The following FGF18 variants were observed in gnomAD, a reference collection of about 807,000 sequenced individuals.
The protein encoded by FGF18 is fibroblast growth factor 18.
In FGF18, 5 loss-of-function variants were observed where a neutral mutation model predicts 23.0. That is an observed-to-expected ratio of 0.22 (90% CI 0.11 to 0.46). The LOEUF (loss-of-function observed/expected upper bound fraction) is 0.46, where lower values mean the gene tolerates loss of function less well. Among genes scored for constraint, FGF18 ranks in the 20% least tolerant of loss-of-function variants. The pLI, the probability that FGF18 is intolerant of heterozygous loss-of-function variation, is 0.99. For synonymous variants in FGF18, 117 were observed against 118.9 expected, an observed-to-expected ratio of 0.98 and a Z score of 0.10; for missense variants, 180 against 291.6, an observed-to-expected ratio of 0.62 and a Z score of 2.79.
chr5:171,454,245 G>A (rs906295694), intron 4 of FGF18, among the ~76,000 whole-genome samples: 1 of 152,172 alleles, frequency 6.6e-6, no homozygotes, highest in South Asian at 2.1e-4. Flanking sequence ...AGCCTGGAGG[G>A]ATGAAAGCCA....
intron 4 of FGF18, among the ~76,000 whole-genome samples, chr5:171,454,960 G>A (rs1167704525): frequency 6.6e-6 from 1 of 152,242 alleles, no homozygotes; most frequent in Non-Finnish European, 1.5e-5. Flanking sequence ...AGGCACGCCA[G>A]CCCTGTCGGG....
At position 171,445,878 on chromosome 5, in the gene FGF18, AGCCC is replaced by A. The variant is rs556006630; in HGVS notation, c.251-3267_251-3264del. ...GGCCCCACAAATGGAGCTGTGCCTG[AGCCC>A]GGATGAGGTTTCCAGCTCTTGAGAG... On this transcript the variant is annotated intron_variant, in intron 3 of 4. Transcript: ENST00000274625. 2.6e-5 allele frequency among the ~76,000 whole-genome samples: 4 copies of A among 152,164 alleles called. No individual in the cohort carries two copies. In the South Asian group the frequency reaches 8.3e-4, roughly 32 times the overall value.
chr5:171,430,732 G>A (rs1772168489), intron 2 of FGF18, among the ~76,000 whole-genome samples: 1 of 138,944 alleles, frequency 7.2e-6, no homozygotes, highest in Non-Finnish European at 1.5e-5. Context: ...AGCTTGCAGT[G>A]AGCCGAGATT....
At position 171,451,285 on chromosome 5, in the gene FGF18, C is replaced by A. The variant is rs1772504036; in HGVS notation, c.357+2032C>A. Among the ~76,000 whole-genome samples, 1 of 152,162 alleles carries A rather than the reference C, an allele frequency of 6.6e-6. No individual in the cohort carries two copies. The highest frequency in any genetic ancestry group is 1.5e-5 in the Non-Finnish European group (1 of 68,012). ...CACGCCCGACCCCAACCCTTGCCAG[C>A]CTCCTGTCTTCTGGGCCCACCCGGG... On this transcript the variant is annotated intron_variant, in intron 4 of 4. Coordinates refer to ENST00000274625, the MANE Select transcript of FGF18 (RefSeq NM_003862.3). The surrounding 1 kb of genome is among the most constrained non-coding windows in gnomAD (Gnocchi z 4.5).
Position 171,436,388 on chromosome 5 carries a change from C to T in FGF18, c.250+115C>T. 3 of 801,338 alleles carry T rather than the reference C, an allele frequency of 3.7e-6. No homozygotes were observed. Among genetic ancestry groups the T allele is most frequent in the African/African-American group, 3.6e-5 (2 of 55,990 alleles). The allele number at this position is 801,338 out of a possible 1,614,324, so 49.6% of individuals were successfully genotyped here. A position where few individuals can be genotyped will look rare whatever the true frequency, so the allele number is the denominator to read the frequency against. ...TGCTCCTGGCTGTGTGATCTTGGACCTGGCACTGACCCTTTCTGGGTCTGT... is the reference window on the plus strand; with the variant it reads ...TGCTCCTGGCTGTGTGATCTTGGACTTGGCACTGACCCTTTCTGGGTCTGT... On this transcript the variant is annotated intron_variant, in intron 3 of 4. Transcript: ENST00000274625. The surrounding 1 kb of genome is among the most constrained non-coding windows in gnomAD (Gnocchi z 4.4).
At chr5:171,445,448 T>G (rs1772405044) in intron 3 of FGF18, among the ~76,000 whole-genome samples, 1 of 152,114 alleles carries the variant, frequency 6.6e-6, no homozygotes, top group Non-Finnish European at 1.5e-5. Context: ...AAACTCTGCC[T>G]CCTGGGTTCA....
chr5:171,423,011 G>A (rs1033766740), intron 2 of FGF18, among the ~76,000 whole-genome samples: 15 of 152,180 alleles, frequency 9.9e-5, no homozygotes, highest in African/African-American at 2.9e-4. Context: ...AAATGGATGC[G>A]CCTACGCCCT....
chr5:171,420,111 G>C lies in FGF18; in HGVS notation c.-89G>C. 1 of 1,137,396 alleles carries C rather than the reference G, an allele frequency of 8.8e-7. No homozygotes were observed. Among genetic ancestry groups the C allele is most frequent in the South Asian group, 3.0e-5 (1 of 33,596 alleles). 70.5% of individuals were successfully genotyped at this position (1,137,396 alleles called of 1,614,324 possible). On this transcript the variant is annotated 5_prime_UTR_variant, in exon 1 of 5. Coordinates refer to ENST00000274625, the MANE Select transcript of FGF18 (RefSeq NM_003862.3). Reference sequence around the variant, plus strand: ...AGCAGCAGCAGCGGCGGCGGCGGCGGCGGCGGCGGCGGAGGCGCCCGGTCC... The same window carrying C: ...AGCAGCAGCAGCGGCGGCGGCGGCGCCGGCGGCGGCGGAGGCGCCCGGTCC...
chr5:171,429,965 TG>T (rs1431202396), intron 2 of FGF18, among the ~76,000 whole-genome samples: 1 of 152,232 alleles, frequency 6.6e-6, no homozygotes, highest in African/African-American at 2.4e-5. Context: ...GGAGAGAGCC[TG>T]GGCTGGATTT....
chr5:171,437,369 C>T (rs1377287570), intron 3 of FGF18, among the ~76,000 whole-genome samples: 1 of 152,212 alleles, frequency 6.6e-6, no homozygotes, highest in African/African-American at 2.4e-5. Context: ...GGCAGCTGCA[C>T]CGTCACTGGG....
Position 171,449,451 on chromosome 5 carries a change from C to A in FGF18, c.357+198C>A, listed in dbSNP as rs113795603. On this transcript the variant is annotated intron_variant, in intron 4 of 4. Transcript: ENST00000274625. ...AGGAGAGAGAGAGAGAGACTGTAAT[C>A]TCTTCCTTTCACCCCATCCCATCCC... 8.7e-3 allele frequency among the ~76,000 whole-genome samples: 1,315 copies of A among 151,084 alleles called. 17 individuals carry two copies. The highest frequency in any genetic ancestry group is 0.03 in the African/African-American group (1,237 of 41,086).
chr5:171,441,571 CAG>C (rs1034539191), intron 3 of FGF18, among the ~76,000 whole-genome samples: 4 of 152,340 alleles, frequency 2.6e-5, no homozygotes, highest in Admixed American at 2.0e-4. Context: ...GTCTCCTTAT[CAG>C]AGAGTCCCCA....
rs567711123 is a variant in FGF18 at position 171,457,044 on chromosome 5, G to A, written c.*239G>A. The A allele has an allele frequency of 2.8e-4, 150 of 527,236 alleles. No homozygotes were observed. The highest frequency in any genetic ancestry group is 2.8e-3 in the African/African-American group (146 of 52,300). 32.7% of individuals were successfully genotyped at this position (527,236 alleles called of 1,614,324 possible). ...CAAAGGGACTGTAGTCAACCCACAG[G>A]TGCTTGTCTCTCTCTAGGAACAGAC... On this transcript the variant is annotated 3_prime_UTR_variant, in exon 5 of 5. Transcript: ENST00000274625.
At chr5:171,420,532 C>A in intron 2 of FGF18, 89 bp downstream of exon 2, 1 of 1,281,668 alleles carries the variant, frequency 7.8e-7, no homozygotes, top group Non-Finnish European at 1.1e-6. Context: ...CCTCCCTGTG[C>A]CCCACCCCTC....
intron 3 of FGF18, among the ~76,000 whole-genome samples, chr5:171,439,098 T>C (rs2113348092): frequency 6.6e-6 from 1 of 152,340 alleles, no homozygotes; most frequent in African/African-American, 2.4e-5. Flanking sequence ...ACCTCAGATT[T>C]GCCTCTGTAA....
In FGF18 at chr5:171,451,259, C is replaced by A. The variant is rs2113364526; in HGVS notation, c.357+2006C>A. Among the ~76,000 whole-genome samples the A allele has an allele frequency of 6.6e-6, 1 of 152,240 alleles. No homozygotes were observed. Among genetic ancestry groups the A allele is most frequent in the East Asian group, 1.9e-4 (1 of 5,158 alleles). On this transcript the variant is annotated intron_variant, in intron 4 of 4. Transcript: ENST00000274625. The surrounding 1 kb of genome is among the most constrained non-coding windows in gnomAD (Gnocchi z 4.5). ...GCCTCCCCCGCTCCCGCCCAGGCCTCCACGCCCGACCCCAACCCTTGCCAG... is the reference window on the plus strand; with the variant it reads ...GCCTCCCCCGCTCCCGCCCAGGCCTACACGCCCGACCCCAACCCTTGCCAG...
At chr5:171,445,052 C>T (rs1392186345) in intron 3 of FGF18, among the ~76,000 whole-genome samples, 1 of 152,120 alleles carries the variant, frequency 6.6e-6, no homozygotes, top group Non-Finnish European at 1.5e-5. Context: ...CAGCATTAGA[C>T]ATCATGGTCT....
intron 3 of FGF18, among the ~76,000 whole-genome samples, chr5:171,437,323 C>T (rs764443251): frequency 2.6e-5 from 4 of 152,192 alleles, no homozygotes; most frequent in South Asian, 2.1e-4. Context: ...CCCTCAGCCC[C>T]GGGGCAGGAC....
At chr5:171,437,662 C>G (rs1401581651) in intron 3 of FGF18, among the ~76,000 whole-genome samples, 4 of 152,234 alleles carry the variant, frequency 2.6e-5, no homozygotes, top group Non-Finnish European at 5.9e-5. Flanking sequence ...ATGGGGCCTC[C>G]CATCCCTCGT....
Sources: allele counts gnomAD v4.1 joint callset (sites outside exome capture counted in the v4.1 genomes callset), GRCh38; gene constraint gnomAD v4.1.1; non-coding constraint Gnocchi (gnomAD v3.1); transcripts MANE v1.5; gene names NCBI Gene and HGNC (gene_info 2026-07-23, HGNC 2026-07-21).